Variants in PTPRM observed in about 807,000 individuals in gnomAD.
PTPRM encodes receptor-type tyrosine-protein phosphatase mu.
In PTPRM, 47 loss-of-function variants were observed where a neutral mutation model predicts 186.7. That is an observed-to-expected ratio of 0.25 (90% CI 0.20 to 0.32). PTPRM has a LOEUF of 0.32. Ranked by LOEUF, PTPRM falls within the 10% of genes least tolerant of loss-of-function variation. PTPRM has a pLI of 1.00. For synonymous variants in PTPRM, 668 were observed against 674.9 expected, an observed-to-expected ratio of 0.99 and a Z score of 0.16; for missense variants, 1,494 against 1,865.0, an observed-to-expected ratio of 0.80 and a Z score of 3.66.
At chr18:8,138,442 C>T (rs2066225702) in intron 13 of PTPRM, among the ~76,000 whole-genome samples, 1 of 152,114 alleles carries the variant, frequency 6.6e-6, no homozygotes, top group Non-Finnish European at 1.5e-5. Context: ...CCAGCAGATC[C>T]CACCCATGCC....
At chr18:8,035,343 A>G (rs1600184815) in intron 7 of PTPRM, among the ~76,000 whole-genome samples, 1 of 152,154 alleles carries the variant, frequency 6.6e-6, no homozygotes, top group Non-Finnish European at 1.5e-5. Flanking sequence ...CAGAAAAAAT[A>G]TAATCATCCC....
intron 2 of PTPRM, among the ~76,000 whole-genome samples, chr18:7,855,355 A>C (rs1037322638): frequency 6.6e-6 from 1 of 152,090 alleles, no homozygotes; most frequent in Non-Finnish European, 1.5e-5. Context: ...GTGGCTTGGG[A>C]AGTGCCTCAT....
intron 2 of PTPRM, among the ~76,000 whole-genome samples, chr18:7,869,245 GAAAC>G (rs1287153475): frequency 1.3e-5 from 2 of 152,142 alleles, no homozygotes; most frequent in African/African-American, 4.8e-5. Context: ...ACTGGGGTAT[GAAAC>G]AAAACTCCTG....
chr18:7,872,164 A>T (rs534527539), intron 2 of PTPRM, among the ~76,000 whole-genome samples: 12 of 152,260 alleles, frequency 7.9e-5, no homozygotes, highest in African/African-American at 2.9e-4. Flanking sequence ...TGTCAGCATA[A>T]ACTGGAATCA....
chr18:8,199,237 A>G (rs2093820346), intron 14 of PTPRM, among the ~76,000 whole-genome samples: 1 of 152,186 alleles, frequency 6.6e-6, no homozygotes, highest in African/African-American at 2.4e-5. Flanking sequence ...TATTATCCTT[A>G]TGTTGCAGCT....
At chr18:7,723,315 CA>C (rs1319917675) in intron 1 of PTPRM, among the ~76,000 whole-genome samples, 4 of 152,144 alleles carry the variant, frequency 2.6e-5, no homozygotes, top group Non-Finnish European at 5.9e-5. Context: ...CAAACTCATG[CA>C]AAATAATAAT....
intron 1 of PTPRM, among the ~76,000 whole-genome samples, chr18:7,592,426 G>T (rs2037150699): frequency 6.6e-6 from 1 of 152,182 alleles, no homozygotes; most frequent in Non-Finnish European, 1.5e-5. Flanking sequence ...CCATGGGGAT[G>T]CCCCAAGGGT....
intron 1 of PTPRM, among the ~76,000 whole-genome samples, chr18:7,696,520 G>C (rs576800391): frequency 2.0e-5 from 3 of 152,292 alleles, no homozygotes; most frequent in South Asian, 4.1e-4. Flanking sequence ...TTCATTAGCT[G>C]TAGAGGTGCA....
chr18:8,133,569 A>G (rs1470814949), intron 13 of PTPRM, among the ~76,000 whole-genome samples: 1 of 152,170 alleles, frequency 6.6e-6, no homozygotes. Context: ...TAGGAGCAGT[A>G]GTTGGAATGT....
intron 1 of PTPRM, among the ~76,000 whole-genome samples, chr18:7,711,034 A>G (rs953574008): frequency 3.9e-5 from 6 of 151,994 alleles, no homozygotes; most frequent in East Asian, 1.9e-4. Flanking sequence ...TTGGGGGGGA[A>G]TCTCTCAAGA....
Position 7,927,200 on chromosome 18 carries a change from A to G in PTPRM, c.663+517A>G, listed in dbSNP as rs1271830639. Among the ~76,000 whole-genome samples the G allele has an allele frequency of 2.0e-5, 3 of 152,310 alleles. No homozygotes were observed. In the East Asian group the frequency reaches 5.8e-4, roughly 29 times the overall value. ...TGTGACTTGTTTTGTAATTATTCAA[A>G]TTCCACCATATGTGTTTTGCATGGC... On this transcript the variant is annotated intron_variant, in intron 5 of 32. Coordinates refer to ENST00000580170, the MANE Select transcript of PTPRM (RefSeq NM_001105244.2).
chr18:7,703,390 C>A (rs1258653278), intron 1 of PTPRM, among the ~76,000 whole-genome samples: 2 of 152,138 alleles, frequency 1.3e-5, no homozygotes, highest in Non-Finnish European at 2.9e-5. Context: ...TCCTTCACAT[C>A]CCTTGTAAGT....
At chr18:8,176,047 C>G (rs1390413862) in intron 14 of PTPRM, among the ~76,000 whole-genome samples, 1 of 152,068 alleles carries the variant, frequency 6.6e-6, no homozygotes, top group Non-Finnish European at 1.5e-5. Flanking sequence ...CTGAGAGAAG[C>G]AGTATTCACA....
intron 27 of PTPRM, among the ~76,000 whole-genome samples, chr18:8,378,873 A>T (rs1464514017): frequency 6.6e-6 from 1 of 151,764 alleles, no homozygotes; most frequent in Non-Finnish European, 1.5e-5. Flanking sequence ...CCCACCTCTG[A>T]CCTCCCAAAT....
chr18:8,166,020 T>G (rs2013044801), intron 14 of PTPRM, among the ~76,000 whole-genome samples: 1 of 152,218 alleles, frequency 6.6e-6, no homozygotes, highest in Admixed American at 6.5e-5. Flanking sequence ...TGTGGCTGTC[T>G]GTGAACTAGA....
rs963351617 is a variant in PTPRM, at chr18:7,790,042, G to A, written c.196+15771G>A. ...CTTAAATCCCCCAGCAGATGGAGAC[G>A]TGGAATTCTTTGCTCCTTCACTGGG... On this transcript the variant is annotated intron_variant, in intron 2 of 32. Transcript: ENST00000580170. Among the ~76,000 whole-genome samples, 11 of 152,272 alleles carry A rather than the reference G, an allele frequency of 7.2e-5. No homozygotes were observed. In the East Asian group the frequency reaches 1.2e-3, roughly 16 times the overall value.
At chr18:8,217,699 C>T (rs1035399686) in intron 14 of PTPRM, among the ~76,000 whole-genome samples, 1 of 152,172 alleles carries the variant, frequency 6.6e-6, no homozygotes, top group African/African-American at 2.4e-5. Context: ...ATAGTAAAGA[C>T]CACTTTGCTC....
chr18:8,328,363 C>G (rs776553184), intron 22 of PTPRM, among the ~76,000 whole-genome samples: 12 of 152,312 alleles, frequency 7.9e-5, no homozygotes, highest in Non-Finnish European at 1.2e-4. Context: ...GAAATTATTT[C>G]TCAGTAGAAT....
chr18:7,948,020 C>T (rs935286463), intron 5 of PTPRM, among the ~76,000 whole-genome samples: 4 of 151,972 alleles, frequency 2.6e-5, no homozygotes, highest in Admixed American at 2.0e-4. Context: ...AGTGCTTGGG[C>T]ATTACGCTTG....
Sources: gnomAD v4.1 joint callset for allele counts (sites outside exome capture counted in the v4.1 genomes callset) on GRCh38, gnomAD v4.1.1 for gene constraint, MANE v1.5 for transcripts, NCBI Gene and HGNC (gene_info 2026-07-23, HGNC 2026-07-21) for gene names.